MTUS2: variants seen among roughly 807,000 people sequenced by gnomAD.
MTUS2 encodes microtubule associated scaffold protein 2.
In MTUS2, 40 loss-of-function variants were observed where a neutral mutation model predicts 114.1. That is an observed-to-expected ratio of 0.35 (90% CI 0.27 to 0.46). MTUS2 has a LOEUF of 0.46. MTUS2 is among the 20% of genes least tolerant of loss of function. MTUS2 has a pLI of 1.00. For missense variants in MTUS2, 1,679 were observed against 1,705.4 expected (o/e 0.98, Z 0.27); for synonymous variants, 688 against 672.0 (o/e 1.02, Z -0.37).
rs557085992 is a variant in MTUS2, at chr13:28,898,940, G to A, written c.-243+59090G>A. ...GGAAAATAAAATAACACAAAGACTC[G>A]ATGAAGATGCGTACCTTTTATTTGG... On this transcript the variant is annotated intron_variant, in intron 2 of 15. Transcript: ENST00000612955. 7.2e-5 allele frequency among the ~76,000 whole-genome samples: 11 copies of A among 152,262 alleles called. No homozygotes were observed. In the East Asian group the frequency reaches 1.9e-3, roughly 27 times the overall value.
At chr13:29,181,788 CTGTGTGTGTGTG>C (rs34853883) in intron 5 of MTUS2, among the ~76,000 whole-genome samples, 16 of 146,720 alleles carry the variant, frequency 1.1e-4, no homozygotes, top group African/African-American at 3.0e-4. Context: ...TTATATACTA[CTGTGTGTGTGTG>C]TGTGTGTGTG....
chr13:29,187,481 G>T (rs905313517), intron 5 of MTUS2, among the ~76,000 whole-genome samples: 1 of 152,128 alleles, frequency 6.6e-6, no homozygotes, highest in African/African-American at 2.4e-5. Context: ...TGTATACAAA[G>T]AAATTAGATA....
chr13:29,231,048 C>G (rs1241948689), intron 5 of MTUS2, among the ~76,000 whole-genome samples: 1 of 152,132 alleles, frequency 6.6e-6, no homozygotes, highest in Admixed American at 6.5e-5. Context: ...ATCCATCCAG[C>G]CAAGCATTGA....
chr13:28,994,100 G>A (rs559069009), intron 2 of MTUS2, among the ~76,000 whole-genome samples: 1 of 152,058 alleles, frequency 6.6e-6, no homozygotes, highest in East Asian at 1.9e-4. Context: ...CCCTTCCTGT[G>A]TCCATGTGTT....
At chr13:29,329,290 C>A (rs1406174554) in intron 7 of MTUS2, among the ~76,000 whole-genome samples, 1 of 151,472 alleles carries the variant, frequency 6.6e-6, no homozygotes, top group African/African-American at 2.4e-5. Context: ...TAGCCCCCCA[C>A]CCCCTGACAG....
intron 7 of MTUS2, among the ~76,000 whole-genome samples, chr13:29,331,045 A>G (rs145364267): frequency 6.6e-6 from 1 of 152,102 alleles, no homozygotes; most frequent in Non-Finnish European, 1.5e-5. Context: ...CATTTTCATG[A>G]TACTGATTCT....
At chr13:28,862,011 A>C (rs1877017485) in intron 2 of MTUS2, among the ~76,000 whole-genome samples, 1 of 152,206 alleles carries the variant, frequency 6.6e-6, no homozygotes. Flanking sequence ...CCCTTAACAT[A>C]GGAGAGAGAG....
chr13:29,362,294 A>G (rs1279616468), intron 8 of MTUS2, among the ~76,000 whole-genome samples: 2 of 152,156 alleles, frequency 1.3e-5, no homozygotes, highest in African/African-American at 4.8e-5. Flanking sequence ...TGGCAAAGGC[A>G]CTTTTTTAAC....
At chr13:28,891,898 A>G (rs1393077195) in intron 2 of MTUS2, among the ~76,000 whole-genome samples, 1 of 148,842 alleles carries the variant, frequency 6.7e-6, no homozygotes, top group East Asian at 2.0e-4. Flanking sequence ...ACAACAAAGG[A>G]CAAAACCTTA....
chr13:29,403,655 T>C (rs1167236803), intron 8 of MTUS2, among the ~76,000 whole-genome samples: 2 of 152,096 alleles, frequency 1.3e-5, no homozygotes, highest in Non-Finnish European at 2.9e-5. Context: ...AAGTGGGACA[T>C]TGATTTTGTT....
intron 5 of MTUS2, among the ~76,000 whole-genome samples, chr13:29,115,604 T>A (rs966027044): frequency 6.6e-6 from 1 of 152,246 alleles, no homozygotes; most frequent in Admixed American, 6.5e-5. Context: ...AAAGATTGTA[T>A]GCATTAAAGA....
chr13:28,960,001 A>C (rs748887644), intron 2 of MTUS2, among the ~76,000 whole-genome samples: 3 of 152,242 alleles, frequency 2.0e-5, no homozygotes, highest in Non-Finnish European at 4.4e-5. Flanking sequence ...TTGTCATACC[A>C]AAAACCAGGA....
At chr13:28,919,589 T>C (rs1880933711) in intron 2 of MTUS2, among the ~76,000 whole-genome samples, 1 of 152,186 alleles carries the variant, frequency 6.6e-6, no homozygotes. Context: ...ATAACCTTCT[T>C]GCACTTGAAT....
chr13:29,215,788 G>A (rs2139301310), intron 5 of MTUS2, among the ~76,000 whole-genome samples: 1 of 152,254 alleles, frequency 6.6e-6, no homozygotes, highest in East Asian at 1.9e-4. Context: ...GCCAGCCAGA[G>A]CTCTCCTGGA....
intron 5 of MTUS2, among the ~76,000 whole-genome samples, chr13:29,158,358 C>CCCCCCCTT: frequency 5.6e-4 from 18 of 32,050 alleles, no homozygotes; most frequent in East Asian, 1.3e-3. Context: ...GTCCACCCCG[C>CCCCCCCTT]TTTTTTTTTT....
At chr13:29,340,569 T>C (rs1057275981) in intron 7 of MTUS2, among the ~76,000 whole-genome samples, 1 of 152,248 alleles carries the variant, frequency 6.6e-6, no homozygotes, top group African/African-American at 2.4e-5. Context: ...GTGGATTTCC[T>C]GTGATTTCCA....
chr13:28,989,290 C>T (rs1015275604), intron 2 of MTUS2, among the ~76,000 whole-genome samples: 7 of 152,066 alleles, frequency 4.6e-5, no homozygotes, highest in African/African-American at 1.7e-4. Context: ...CTCATCTTAC[C>T]CAAGACCCAA....
intron 2 of MTUS2, among the ~76,000 whole-genome samples, chr13:28,933,149 ACACACACACACACAGATT>A (rs1243215373): frequency 4.6e-4 from 70 of 150,918 alleles, no homozygotes; most frequent in African/African-American, 1.7e-3. Flanking sequence ...ACACACACAC[ACACACACACACACAGATT>A]GATTGATCTG....
At chr13:29,014,206 A>AGTGTGTGG (rs1885971996) in intron 2 of MTUS2, among the ~76,000 whole-genome samples, 1 of 152,138 alleles carries the variant, frequency 6.6e-6, no homozygotes, top group Admixed American at 6.5e-5. Flanking sequence ...GCCAGGCCCC[A>AGTGTGTGG]CCCTGCTGTG....
Sources: allele counts gnomAD v4.1 joint callset (sites outside exome capture counted in the v4.1 genomes callset), GRCh38; gene constraint gnomAD v4.1.1; transcripts MANE v1.5; gene names NCBI Gene and HGNC (gene_info 2026-07-23, HGNC 2026-07-21).